Variants in ADAMTS6 observed in about 807,000 individuals in gnomAD.
ADAMTS6 encodes ADAM metallopeptidase with thrombospondin type 1 motif 6, also known as A disintegrin and metalloproteinase with thrombospondin motifs 6.
A neutral mutation model predicts 144.3 loss-of-function variants in ADAMTS6; 23 were observed. The observed-to-expected ratio is 0.16, with a 90% confidence interval of 0.11 to 0.23. The LOEUF is 0.23. Ranked by LOEUF, ADAMTS6 falls within the 10% of genes least tolerant of loss-of-function variation. The pLI, the probability that ADAMTS6 is intolerant of heterozygous loss-of-function variation, is 1.00. For synonymous variants in ADAMTS6, 444 were observed against 457.5 expected, an observed-to-expected ratio of 0.97 and a Z score of 0.38; for missense variants, 999 against 1,379.6, an observed-to-expected ratio of 0.72 and a Z score of 4.37.
At chr5:65,242,411 A>T (rs1432117830) in intron 14 of ADAMTS6, among the ~76,000 whole-genome samples, 1 of 152,204 alleles carries the variant, frequency 6.6e-6, no homozygotes, top group Non-Finnish European at 1.5e-5. Context: ...TAACTGAAGT[A>T]ATTTAAACAA....
chr5:65,196,652 AAG>A, intron 21 of ADAMTS6, among the ~76,000 whole-genome samples: 1 of 151,494 alleles, frequency 6.6e-6, no homozygotes, highest in African/African-American at 2.4e-5. Context: ...ATGTGCCATT[AAG>A]AGAGGGGAAA....
At chr5:65,405,973 T>C (rs1370963052) in intron 7 of ADAMTS6, among the ~76,000 whole-genome samples, 2 of 152,224 alleles carry the variant, frequency 1.3e-5, no homozygotes, top group African/African-American at 2.4e-5. Context: ...ATAAGAATGC[T>C]TGTGATTTTT....
At chr5:65,216,999 G>C (rs2112343614) in intron 18 of ADAMTS6, among the ~76,000 whole-genome samples, 1 of 152,246 alleles carries the variant, frequency 6.6e-6, no homozygotes, top group Non-Finnish European at 1.5e-5. Context: ...ATGGTGCAGA[G>C]TCTCTGACTC....
chr5:65,181,935 C>A (rs559020642), intron 22 of ADAMTS6, among the ~76,000 whole-genome samples: 7 of 152,186 alleles, frequency 4.6e-5, no homozygotes, highest in Non-Finnish European at 8.8e-5. Flanking sequence ...CTGGGACATA[C>A]ATCTCTTGTT....
At chr5:65,160,296 C>T (rs1052938456) in intron 24 of ADAMTS6, among the ~76,000 whole-genome samples, 16 of 151,184 alleles carry the variant, frequency 1.1e-4, no homozygotes, top group Admixed American at 3.3e-4. Flanking sequence ...GAAACTGCTC[C>T]TTCTCCGACT....
chr5:65,408,258 T>A (rs939112462), intron 7 of ADAMTS6, among the ~76,000 whole-genome samples: 1 of 152,038 alleles, frequency 6.6e-6, no homozygotes, highest in East Asian at 1.9e-4. Context: ...AAACCCATGT[T>A]ACGTGCAGAG....
At chr5:65,373,840 A>G (rs544590677) in intron 7 of ADAMTS6, among the ~76,000 whole-genome samples, 2,121 of 152,186 alleles carry the variant, frequency 0.014, 30 homozygotes, top group East Asian at 0.081. Context: ...CTTGATGAAC[A>G]TTGATGCAAA....
chr5:65,448,599 C>A (rs972446669), intron 7 of ADAMTS6, among the ~76,000 whole-genome samples: 3 of 151,912 alleles, frequency 2.0e-5, no homozygotes, highest in African/African-American at 7.3e-5. Flanking sequence ...ACTACAGGCG[C>A]CCGCAACCAC....
At chr5:65,317,931 C>T (rs1440152087) in intron 9 of ADAMTS6, among the ~76,000 whole-genome samples, 3 of 151,656 alleles carry the variant, frequency 2.0e-5, no homozygotes, top group Admixed American at 6.6e-5. Flanking sequence ...AAAAATTAGC[C>T]GGGTGTGGTG....
intron 21 of ADAMTS6, among the ~76,000 whole-genome samples, chr5:65,193,937 G>A (rs1755169703): frequency 6.6e-6 from 1 of 152,120 alleles, no homozygotes; most frequent in Non-Finnish European, 1.5e-5. Flanking sequence ...CATAAGTAGT[G>A]TAATACAATT....
intron 7 of ADAMTS6, among the ~76,000 whole-genome samples, chr5:65,413,655 G>A (rs992810096): frequency 2.6e-5 from 4 of 151,886 alleles, no homozygotes; most frequent in East Asian, 1.9e-4. Context: ...TAATGTTAAC[G>A]TCATTTTACA....
Position 65,191,271 on chromosome 5 carries a change from G to A in ADAMTS6, c.2706-3051C>T, listed in dbSNP as rs888366376. 4.6e-5 allele frequency among the ~76,000 whole-genome samples: 7 copies of A among 152,110 alleles called. No homozygotes were observed. In the East Asian group the frequency reaches 7.7e-4, roughly 17 times the overall value. ...CCTCTGTAATCTGACCTACAGTCCC[G>A]ATCTCTTATTATTACAAAAAATAGT... is the stretch of plus-strand genomic sequence containing the variant. On this transcript the variant is annotated intron_variant, in intron 21 of 24. Transcript: ENST00000381055.
chr5:65,305,559 A>C (rs141408567), intron 9 of ADAMTS6, among the ~76,000 whole-genome samples: 198 of 137,396 alleles, frequency 1.4e-3, no homozygotes, highest in African/African-American at 5.4e-3. Context: ...ATAATTTAAA[A>C]AAAGAAGAAC....
At chr5:65,443,824 C>T (rs1758059528) in intron 7 of ADAMTS6, among the ~76,000 whole-genome samples, 1 of 150,322 alleles carries the variant, frequency 6.7e-6, no homozygotes, top group African/African-American at 2.4e-5. Flanking sequence ...GAAATTTTCT[C>T]AACCAGACAA....
chr5:65,342,015 G>A (rs1747884918), intron 7 of ADAMTS6, among the ~76,000 whole-genome samples: 1 of 152,044 alleles, frequency 6.6e-6, no homozygotes, highest in African/African-American at 2.4e-5. Flanking sequence ...ATTTATCACA[G>A]GAATGCAAGG....
intron 7 of ADAMTS6, among the ~76,000 whole-genome samples, chr5:65,379,674 C>T (rs1304740837): frequency 1.3e-5 from 2 of 152,060 alleles, no homozygotes; most frequent in Non-Finnish European, 1.5e-5. Flanking sequence ...CTCCTCCCAG[C>T]CCTCCTAAAC....
At chr5:65,445,439 G>T (rs1446431266) in intron 7 of ADAMTS6, among the ~76,000 whole-genome samples, 1 of 152,190 alleles carries the variant, frequency 6.6e-6, no homozygotes, top group Non-Finnish European at 1.5e-5. Flanking sequence ...TCGGGTTCAA[G>T]CGATTCTCCT....
intron 22 of ADAMTS6, among the ~76,000 whole-genome samples, chr5:65,178,962 C>T (rs1754158628): frequency 6.6e-6 from 1 of 152,132 alleles, no homozygotes; most frequent in Admixed American, 6.5e-5. Context: ...CCTCCGAGAC[C>T]ATCCTTGAAC....
At chr5:65,272,906 A>G in intron 12 of ADAMTS6, among the ~76,000 whole-genome samples, 1 of 151,382 alleles carries the variant, frequency 6.6e-6, no homozygotes, top group Non-Finnish European at 1.5e-5. Context: ...GAGCAACAAA[A>G]TGAGACCATG....
Sources: allele counts gnomAD v4.1 joint callset (sites outside exome capture counted in the v4.1 genomes callset), GRCh38; gene constraint gnomAD v4.1.1; transcripts MANE v1.5; gene names NCBI Gene and HGNC (gene_info 2026-07-23, HGNC 2026-07-21).